Variants in ACACA observed in about 807,000 individuals in gnomAD.
The protein encoded by ACACA is acetyl-CoA carboxylase 1.
A neutral mutation model predicts 296.1 loss-of-function variants in ACACA; 103 were observed. That is an observed-to-expected ratio of 0.35 (90% CI 0.30 to 0.41). The LOEUF (loss-of-function observed/expected upper bound fraction) is 0.41. Among genes scored for constraint, ACACA ranks in the 10% least tolerant of loss-of-function variants. The pLI, the probability that ACACA is intolerant of heterozygous loss-of-function variation, is 1.00. For missense variants in ACACA, 1,554 were observed against 2,989.7 expected (o/e 0.52, Z 11.20); for synonymous variants, 953 against 1,038.6 (o/e 0.92, Z 1.58).
At chr17:37,125,871 A>G in intron 47 of ACACA, 77 bp from the exon 48 acceptor site, 1 of 1,317,112 alleles carries the variant, frequency 7.6e-7, no homozygotes, top group Non-Finnish European at 1.1e-6. Context: ...GACGAATTTA[A>G]GGTGGTTTGG....
intron 1 of ACACA, among the ~76,000 whole-genome samples, chr17:37,343,088 C>G (rs569276501): frequency 6.6e-6 from 1 of 152,214 alleles, no homozygotes; most frequent in South Asian, 2.1e-4. Context: ...AGCTATTCTC[C>G]TGCCTCAGCC....
At chr17:37,388,456 G>C (rs2050646259) in intron 1 of ACACA, among the ~76,000 whole-genome samples, 2 of 151,992 alleles carry the variant, frequency 1.3e-5, no homozygotes, top group African/African-American at 2.4e-5. Flanking sequence ...AGTGGGAAGA[G>C]AGTGCAAAAG....
At chr17:37,200,220 A>G in intron 34 of ACACA, 37 bp from the exon 35 acceptor site, 1 of 1,556,986 alleles carries the variant, frequency 6.4e-7, no homozygotes, top group Non-Finnish European at 8.9e-7. Context: ...GAAAGACAGC[A>G]GAAGTTGGCA....
intron 7 of ACACA, 67 bp from the exon 8 acceptor site, chr17:37,276,116 G>T: frequency 1.7e-6 from 2 of 1,171,380 alleles, no homozygotes; most frequent in South Asian, 1.2e-5. Context: ...ACATGTAGTT[G>T]CCTTGTATTA....
chr17:37,237,557 T>C (rs2080171412), intron 24 of ACACA, among the ~76,000 whole-genome samples: 1 of 152,260 alleles, frequency 6.6e-6, no homozygotes. Context: ...TATATGCCTC[T>C]AATTACAAAT....
intron 45 of ACACA, among the ~76,000 whole-genome samples, chr17:37,149,040 C>T (rs1041641574): frequency 1.1e-4 from 17 of 152,168 alleles, no homozygotes; most frequent in African/African-American, 4.1e-4. Flanking sequence ...AAATAATTTT[C>T]CTATGCTTGC....
intron 1 of ACACA, chr17:37,368,756 C>T (rs548701013): frequency 2.6e-5 from 4 of 152,200 alleles, no homozygotes; most frequent in African/African-American, 7.2e-5. Context: ...AGGGCTGGCA[C>T]GTGTGAGTAT....
rs571438145 is a variant in ACACA, at chr17:37,302,464, C to A, written c.339-17494G>T. On this transcript the variant is annotated intron_variant, in intron 3 of 55. Coordinates refer to ENST00000616317, the MANE Select transcript of ACACA (RefSeq NM_198834.3). Reference sequence around the variant, plus strand: ...ACCTCAGGTGATCCACCCACCTCAGCCTCCCAAAGTGCTGGGATTACAGGC... The same window carrying A: ...ACCTCAGGTGATCCACCCACCTCAGACTCCCAAAGTGCTGGGATTACAGGC... Among the ~76,000 whole-genome samples the A allele has an allele frequency of 5.9e-5, 9 of 152,232 alleles. 1 individual carries two copies. In the South Asian group the frequency reaches 1.9e-3, roughly 32 times the overall value.
chr17:37,368,194 C>A (rs1199922363), intron 1 of ACACA, among the ~76,000 whole-genome samples: 2 of 152,244 alleles, frequency 1.3e-5, no homozygotes, highest in Non-Finnish European at 2.9e-5. Flanking sequence ...ATCACTTGAA[C>A]CCGAGGGGCG....
intron 15 of ACACA, 61 bp downstream of exon 15, chr17:37,252,825 G>T: frequency 6.3e-7 from 1 of 1,594,320 alleles, no homozygotes; most frequent in Non-Finnish European, 8.6e-7. Flanking sequence ...TAGTGACAGG[G>T]ATTGAGTACA....
chr17:37,337,254 A>C (rs1314704963), intron 2 of ACACA, among the ~76,000 whole-genome samples: 5 of 152,038 alleles, frequency 3.3e-5, no homozygotes, highest in Non-Finnish European at 7.4e-5. Context: ...CCCTAAAAAA[A>C]AATTTTTTTT....
At chr17:37,405,147 G>T (rs189072274) in intron 1 of ACACA, among the ~76,000 whole-genome samples, 5 of 152,112 alleles carry the variant, frequency 3.3e-5, no homozygotes, top group Non-Finnish European at 7.4e-5. Flanking sequence ...CTCATTAAAT[G>T]ATCAGATATT....
chr17:37,226,640 A>G (rs2079556290), intron 25 of ACACA, among the ~76,000 whole-genome samples, 188 bp from the exon 26 acceptor site: 1 of 152,208 alleles, frequency 6.6e-6, no homozygotes, highest in Non-Finnish European at 1.5e-5. Context: ...TTGGCTAAGG[A>G]GAGGCAGCCC....
chr17:37,255,706 A>T (rs2081195810), intron 14 of ACACA, among the ~76,000 whole-genome samples: 1 of 152,162 alleles, frequency 6.6e-6, no homozygotes, highest in Admixed American at 6.5e-5. Context: ...CCCGTCGAAA[A>T]GAAGCAGTCA....
chr17:37,274,398 A>G, intron 8 of ACACA, 99 bp from the exon 9 acceptor site: 1 of 1,182,268 alleles, frequency 8.5e-7, no homozygotes, highest in Non-Finnish European at 1.3e-6. Flanking sequence ...TTTACCCAAA[A>G]CTGAGAGTGG....
intron 55 of ACACA, among the ~76,000 whole-genome samples, chr17:37,088,316 C>G (rs1315527116): frequency 6.6e-6 from 1 of 152,118 alleles, no homozygotes. Flanking sequence ...ATATATGTAA[C>G]ACCCTTAAGT....
chr17:37,325,771 T>G (rs971637335), intron 3 of ACACA, among the ~76,000 whole-genome samples: 4 of 151,690 alleles, frequency 2.6e-5, no homozygotes, highest in East Asian at 2.0e-4. Context: ...ATGGGGTTTC[T>G]CCATGTTGGT....
chr17:37,304,558 G>A (rs1360951452), intron 3 of ACACA, among the ~76,000 whole-genome samples: 1 of 152,118 alleles, frequency 6.6e-6, no homozygotes, highest in Non-Finnish European at 1.5e-5. Context: ...ACTTTGGAAG[G>A]TAGAGGCGGG....
intron 34 of ACACA, 42 bp from the exon 35 acceptor site, chr17:37,200,225 T>A (rs770994637): frequency 9.7e-6 from 15 of 1,543,702 alleles, no homozygotes; most frequent in Non-Finnish European, 1.2e-5. Flanking sequence ...ACAGCAGAAG[T>A]TGGCAATTAG....
Sources: gnomAD v4.1 joint callset for allele counts (sites outside exome capture counted in the v4.1 genomes callset) on GRCh38, gnomAD v4.1.1 for gene constraint, MANE v1.5 for transcripts, NCBI Gene and HGNC (gene_info 2026-07-23, HGNC 2026-07-21) for gene names.